The following CHRM2 variants were observed in gnomAD, a reference collection of about 807,000 sequenced individuals.
CHRM2 encodes cholinergic receptor muscarinic 2, also known as muscarinic acetylcholine receptor M2.
CHRM2 carries 8 observed loss-of-function variants against 25.0 expected under a neutral mutation model. The observed-to-expected ratio is 0.32, with a 90% confidence interval of 0.19 to 0.58. The LOEUF is 0.58. CHRM2 is among the 20% of genes least tolerant of loss of function. CHRM2 has a pLI of 0.88. For synonymous variants in CHRM2, 202 were observed against 205.7 expected (o/e 0.98, Z 0.15); for missense variants, 440 against 567.1 (o/e 0.78, Z 2.28).
chr7:137,014,909 C>G lies in CHRM2; in HGVS notation c.44C>G (p.Thr15Arg). ...TNSSNNSLAL[T>R]SPYKTFEVVF... is the part of the protein sequence containing the mutation. ...TCCTCTAACAATAGCCTGGCTCTTACAAGTCCTTATAAGACATTTGAAGTG... is the reference window on the plus strand; with the variant it reads ...TCCTCTAACAATAGCCTGGCTCTTAGAAGTCCTTATAAGACATTTGAAGTG... Residue 15 changes from threonine (T) to arginine (R), a missense_variant, in exon 4 of 4, where the codon ACA becomes AGA. Physicochemically the swap from Thr to Arg is moderately conservative, Grantham distance 71. Coordinates refer to ENST00000680005, the MANE Select transcript of CHRM2 (RefSeq NM_001006630.2). 1 of 1,613,212 alleles carries G rather than the reference C, an allele frequency of 6.2e-7. No homozygotes were observed. Among genetic ancestry groups the G allele is most frequent in the Non-Finnish European group, 8.5e-7 (1 of 1,179,492 alleles).
At chr7:136,916,105 A>C (rs1261492600) in intron 2 of CHRM2, among the ~76,000 whole-genome samples, 10 of 151,842 alleles carry the variant, frequency 6.6e-5, no homozygotes, top group Non-Finnish European at 1.0e-4. Context: ...TTTCAGCTGG[A>C]CTATGCACTG....
At chr7:137,013,342 A>G (rs16874888) in intron 3 of CHRM2, among the ~76,000 whole-genome samples, 1 of 151,800 alleles carries the variant, frequency 6.6e-6, no homozygotes, top group East Asian at 1.9e-4. Context: ...AAAGCAGAAA[A>G]AATTATTTTT....
intron 3 of CHRM2, among the ~76,000 whole-genome samples, chr7:136,997,856 C>T (rs1211990193): frequency 2.0e-5 from 3 of 152,214 alleles, no homozygotes; most frequent in Non-Finnish European, 4.4e-5. Context: ...TACAGTAATG[C>T]TGTGAAATAA....
chr7:136,913,391 G>A (rs1797945099), intron 2 of CHRM2, among the ~76,000 whole-genome samples: 1 of 151,916 alleles, frequency 6.6e-6, no homozygotes, highest in Non-Finnish European at 1.5e-5. Context: ...AATTCCTTGG[G>A]AACCTAACAG....
chr7:136,932,583 A>G (rs950928556), intron 2 of CHRM2, among the ~76,000 whole-genome samples: 8 of 152,234 alleles, frequency 5.3e-5, no homozygotes, highest in Non-Finnish European at 4.4e-5. Context: ...CAAAATAATA[A>G]ATTCATACAA....
At chr7:136,968,195 T>A (rs1161713255) in intron 2 of CHRM2, among the ~76,000 whole-genome samples, 1 of 151,982 alleles carries the variant, frequency 6.6e-6, no homozygotes, top group Non-Finnish European at 1.5e-5. Context: ...TCCTCCTAAC[T>A]GGAAATTTGT....
chr7:137,015,338 C>A lies in CHRM2; in HGVS notation c.473C>A (p.Ala158Asp), dbSNP rs775850694. 1 of 1,613,324 alleles carries A rather than the reference C, an allele frequency of 6.2e-7. No individual in the cohort carries two copies. Among genetic ancestry groups the A allele is most frequent in the African/African-American group, 1.3e-5 (1 of 74,856 alleles). The change falls in exon 4 of 4, where the codon GCC becomes GAC. Residue 158 changes from alanine (A) to aspartate (D), a missense_variant. Physicochemically the swap from Ala to Asp is moderately radical, Grantham distance 126. Around this residue, in one of 5 missense-constraint regions of CHRM2, gnomAD observed 27 missense variants for 55.5 expected, o/e 0.49. Coordinates refer to ENST00000680005, the MANE Select transcript of CHRM2 (RefSeq NM_001006630.2). The surrounding 1 kb of genome is among the most constrained non-coding windows in gnomAD (Gnocchi z 5.1). The stretch of plus-strand genomic sequence containing the variant: ...CTCTCTTTCATCCTCTGGGCTCCAG[C>A]CATTCTCTTCTGGCAGTTCATTGTA... ...WVLSFILWAP[A>D]ILFWQFIVGV... is the part of the protein sequence containing the mutation.
Position 137,016,053 on chromosome 7 carries a change from C to T in CHRM2, c.1188C>T (p.Phe396=). ...TRTILAILLA[F]IITWAPYNVM... The stretch of plus-strand genomic sequence containing the variant: ...CAATCTTGGCTATTCTGTTGGCTTT[C>T]ATCATCACTTGGGCCCCATACAATG... The change falls in exon 4 of 4, where the codon TTC becomes TTT. Residue 396 remains phenylalanine, a synonymous_variant. Coordinates refer to ENST00000680005, the MANE Select transcript of CHRM2 (RefSeq NM_001006630.2). 6.2e-7 allele frequency: 1 copy of T among 1,612,728 alleles called. No individual in the cohort carries two copies. The highest frequency in any genetic ancestry group is 1.3e-5 in the African/African-American group (1 of 74,856).
chr7:137,016,218 T>G lies in CHRM2; in HGVS notation c.1353T>G (p.Phe451Leu). The G allele has an allele frequency of 6.2e-7, 1 of 1,612,972 alleles. No homozygotes were observed. The part of the protein sequence containing the change: ...ALCNATFKKT[F>L]KHLLMCHYKN... The stretch of plus-strand genomic sequence containing the variant: ...GCAATGCCACCTTCAAGAAGACCTT[T>G]AAACACCTTCTCATGTGTCATTATA... The change falls in exon 4 of 4, where the codon TTT (phenylalanine) becomes TTG (leucine). Residue 451 changes from phenylalanine to leucine, a missense_variant. Phe to Leu is a conservative substitution (Grantham distance 22). This residue lies in a region of CHRM2 where 65 missense variants were observed against 108.9 expected (regional missense o/e 0.60). Transcript: ENST00000680005.
intron 2 of CHRM2, among the ~76,000 whole-genome samples, chr7:136,895,810 C>T (rs1051891584): frequency 3.9e-5 from 6 of 152,046 alleles, no homozygotes; most frequent in African/African-American, 9.7e-5. Context: ...ATACAAAGCT[C>T]GGCTTCTAGG....
Position 137,016,877 on chromosome 7 carries a change from A to T in CHRM2, c.*611A>T, listed in dbSNP as rs1300401941. 1 of 167,314 alleles carries T rather than the reference A, an allele frequency of 6.0e-6. No homozygotes were observed. Among genetic ancestry groups the T allele is most frequent in the African/African-American group, 2.4e-5 (1 of 41,426 alleles). 10.4% of individuals were successfully genotyped at this position (167,314 alleles called of 1,614,324 possible). On this transcript the variant is annotated 3_prime_UTR_variant, in exon 4 of 4. Coordinates refer to ENST00000680005, the MANE Select transcript of CHRM2 (RefSeq NM_001006630.2). ...CCCACCATGAAGAGAAAGCAAACAA[A>T]CAGAAACCCCAACTAGGTCACACCA...
intron 2 of CHRM2, among the ~76,000 whole-genome samples, chr7:136,905,347 AT>A (rs1209822822): frequency 2.6e-5 from 4 of 151,702 alleles, no homozygotes; most frequent in African/African-American, 9.7e-5. Flanking sequence ...TATTTCCCAT[AT>A]TCATTATATT....
At chr7:136,918,645 C>T (rs908871309) in intron 2 of CHRM2, among the ~76,000 whole-genome samples, 7 of 152,024 alleles carry the variant, frequency 4.6e-5, no homozygotes, top group Non-Finnish European at 1.0e-4. Context: ...AGGTTGGTCT[C>T]AAACTCCTGG....
In CHRM2 at chr7:137,015,815, A is replaced by G; in HGVS notation, c.950A>G (p.Asp317Gly). 1 of 1,613,038 alleles carries G rather than the reference A, an allele frequency of 6.2e-7. No individual in the cohort carries two copies. Among genetic ancestry groups the G allele is most frequent in the Non-Finnish European group, 8.5e-7 (1 of 1,179,390 alleles). The change falls in exon 4 of 4, where the codon GAT (aspartate) becomes GGT (glycine). Residue 317 changes from aspartate to glycine, a missense_variant. By Grantham distance (94) the Asp-to-Gly change is moderately conservative. Transcript: ENST00000680005. This position sits in a 1 kb window ranked among gnomAD's most constrained non-coding sequence, Gnocchi z 5.1. The part of the protein sequence containing the change: ...TVSTSLGHSK[D>G]ENSKQTCIRI... ...TCCACTTCCCTGGGCCATTCCAAAG[A>G]TGAGAACTCTAAGCAAACATGCATC... is the stretch of plus-strand genomic sequence containing the variant.
rs1805100961 is a variant in CHRM2 at position 137,015,366 on chromosome 7, G to A, written c.501G>A (p.Gly167=). The A allele has an allele frequency of 6.2e-7, 1 of 1,613,320 alleles. No individual in the cohort carries two copies. Among genetic ancestry groups the A allele is most frequent in the South Asian group, 1.1e-5 (1 of 91,088 alleles). Residue 167 remains glycine (G), a synonymous_variant, in exon 4 of 4, where the codon GGG becomes GGA. Coordinates refer to ENST00000680005, the MANE Select transcript of CHRM2 (RefSeq NM_001006630.2). This position sits in a 1 kb window ranked among gnomAD's most constrained non-coding sequence, Gnocchi z 5.1. The part of the protein sequence containing the change: ...PAILFWQFIV[G]VRTVEDGECY... ...TTCTCTTCTGGCAGTTCATTGTAGG[G>A]GTGAGAACTGTGGAGGATGGGGAGT...
chr7:136,875,786 C>T (rs1796029359), intron 2 of CHRM2, among the ~76,000 whole-genome samples: 1 of 152,206 alleles, frequency 6.6e-6, no homozygotes, highest in African/African-American at 2.4e-5. Flanking sequence ...TCTTCATCCT[C>T]CAACTGCACA....
intron 2 of CHRM2, among the ~76,000 whole-genome samples, chr7:136,886,351 T>C (rs137873794): frequency 6.5e-4 from 99 of 152,326 alleles, no homozygotes; most frequent in African/African-American, 2.1e-3. Context: ...AGTAGGCTCA[T>C]TCATATGTGT....
intron 2 of CHRM2, among the ~76,000 whole-genome samples, chr7:136,894,808 C>T (rs1455920549): frequency 1.3e-5 from 2 of 152,144 alleles, no homozygotes; most frequent in African/African-American, 4.8e-5. Context: ...TATGGCCATC[C>T]ATCCATCCCC....
chr7:136,976,693 A>G (rs1000500412), intron 2 of CHRM2, among the ~76,000 whole-genome samples: 75 of 152,192 alleles, frequency 4.9e-4, no homozygotes, highest in African/African-American at 1.7e-3. Flanking sequence ...GACATTAGCA[A>G]CAACAGGAAA....
Sources: gnomAD v4.1 joint callset for allele counts (sites outside exome capture counted in the v4.1 genomes callset) on GRCh38, gnomAD v4.1.1 for gene constraint, gnomAD v4.1.1 regional missense constraint, Gnocchi (gnomAD v3.1) non-coding constraint, MANE v1.5 for transcripts, NCBI Gene and HGNC (gene_info 2026-07-23, HGNC 2026-07-21) for gene names.